Variants in SLC14A2 observed in about 807,000 individuals in gnomAD.
The protein encoded by SLC14A2 is solute carrier family 14 member 2.
A neutral mutation model predicts 104.6 loss-of-function variants in SLC14A2; 91 were observed. The ratio of observed to expected loss-of-function variants is 0.87; its 90% confidence interval spans 0.73 to 1.04. The LOEUF (loss-of-function observed/expected upper bound fraction) is 1.04, where lower values mean the gene tolerates loss of function less well. SLC14A2 is among the 50% of genes least tolerant of loss of function. The probability of loss-of-function intolerance (pLI) is 0.00; values close to 1 mark genes in which losing one functional copy is unlikely to be tolerated. For synonymous variants in SLC14A2, 476 were observed against 466.4 expected (o/e 1.02, Z -0.27); for missense variants, 1,189 against 1,156.0 (o/e 1.03, Z -0.41).
chr18:45,203,010 C>T, the SLC14A2 span, among the ~76,000 whole-genome samples: 5 of 152,240 alleles, frequency 3.3e-5, no homozygotes, highest in African/African-American at 9.6e-5. Context: ...TGGCTGGGGC[C>T]GCTGAGTTGG....
chr18:45,543,591 G>C (rs2144863803), intron 2 of SLC14A2, among the ~76,000 whole-genome samples: 1 of 152,250 alleles, frequency 6.6e-6, no homozygotes, highest in South Asian at 2.1e-4. Context: ...TCTGATATTT[G>C]AAAAGAGCTT....
chr18:45,192,605 G>A, the SLC14A2 span, among the ~76,000 whole-genome samples: 2 of 125,914 alleles, frequency 1.6e-5, no homozygotes, highest in East Asian at 2.9e-4. Context: ...TAACAGGCAG[G>A]TAGTGGTTTT....
At chr18:45,403,455 A>T (rs984898692) in intron 1 of SLC14A2, among the ~76,000 whole-genome samples, 2 of 152,154 alleles carry the variant, frequency 1.3e-5, no homozygotes, top group Non-Finnish European at 2.9e-5. Context: ...TAGAGACAAC[A>T]ATGGTGCTCC....
chr18:45,537,446 C>A (rs2043811142), intron 2 of SLC14A2, among the ~76,000 whole-genome samples: 1 of 151,958 alleles, frequency 6.6e-6, no homozygotes, highest in Non-Finnish European at 1.5e-5. Context: ...GGAGGAGAGT[C>A]CTGGACAGGG....
chr18:45,669,830 TA>T (rs535066735), intron 16 of SLC14A2, among the ~76,000 whole-genome samples: 2 of 152,252 alleles, frequency 1.3e-5, no homozygotes, highest in African/African-American at 4.8e-5. Flanking sequence ...TGTGGATGTT[TA>T]AAAAGTCTTT....
intron 5 of SLC14A2, among the ~76,000 whole-genome samples, chr18:45,636,664 T>A (rs1054889163): frequency 1.3e-5 from 2 of 152,196 alleles, no homozygotes; most frequent in Non-Finnish European, 2.9e-5. Flanking sequence ...TTTTCTTGGT[T>A]TAAAAAACAA....
intron 1 of SLC14A2, among the ~76,000 whole-genome samples, chr18:45,373,300 G>GCT (rs2085741783): frequency 1.3e-5 from 2 of 152,040 alleles, no homozygotes; most frequent in African/African-American, 2.4e-5. Flanking sequence ...TCGGCTCCAG[G>GCT]CTCTCTCTCT....
At chr18:45,585,527 G>C (rs184024524) in intron 2 of SLC14A2, among the ~76,000 whole-genome samples, 1 of 152,236 alleles carries the variant, frequency 6.6e-6, no homozygotes, top group East Asian at 1.9e-4. Context: ...TTCCTATTAA[G>C]AAAAATTAGC....
intron 2 of SLC14A2, among the ~76,000 whole-genome samples, chr18:45,548,711 T>G (rs2044010117): frequency 6.6e-6 from 1 of 152,036 alleles, no homozygotes; most frequent in African/African-American, 2.4e-5. Context: ...AAACAAAAAA[T>G]AAGAATCACA....
intron 2 of SLC14A2, among the ~76,000 whole-genome samples, chr18:45,573,225 A>G (rs1038839513): frequency 2.6e-5 from 4 of 152,202 alleles, no homozygotes; most frequent in African/African-American, 7.2e-5. Context: ...CTGGGTCCTG[A>G]TAACTGCATT....
chr18:45,669,128 G>C (rs1404925098), intron 15 of SLC14A2, among the ~76,000 whole-genome samples, 178 bp from the exon 16 acceptor site: 3 of 152,236 alleles, frequency 2.0e-5, no homozygotes, highest in Non-Finnish European at 4.4e-5. Flanking sequence ...GCCCCACCCT[G>C]TCACTGTGCA....
chr18:45,184,034 A>AT, the SLC14A2 span, among the ~76,000 whole-genome samples: 1 of 144,032 alleles, frequency 6.9e-6, no homozygotes, highest in South Asian at 2.2e-4. Context: ...GATTACAGGC[A>AT]TGAGCCACCA....
chr18:45,209,314 G>T (rs2083942504), upstream of SLC14A2, among the ~76,000 whole-genome samples: 1 of 151,936 alleles, frequency 6.6e-6, no homozygotes. Context: ...CTCCTCTCCA[G>T]CCTGGGCAAC....
chr18:45,470,829 T>G (rs2087234835), intron 1 of SLC14A2, among the ~76,000 whole-genome samples: 2 of 152,156 alleles, frequency 1.3e-5, no homozygotes, highest in African/African-American at 4.8e-5. Flanking sequence ...AATAAACATT[T>G]CCTTCTATTT....
chr18:45,682,539 A>G lies in SLC14A2; in HGVS notation c.*20A>G, dbSNP rs778173956. 4.4e-6 allele frequency: 7 copies of G among 1,596,274 alleles called. No homozygotes were observed. In the East Asian group the frequency reaches 1.6e-4, roughly 36 times the overall value. On this transcript the variant is annotated 3_prime_UTR_variant, in exon 20 of 20. Coordinates refer to ENST00000255226, the MANE Select transcript of SLC14A2 (RefSeq NM_007163.4). ...TCCTAAGTTTCCCTGTCTAAAACAC[A>G]TCAGTGTAAATTCAGGCTTCAGCAC...
At position 45,632,386 on chromosome 18, in the gene SLC14A2, G is replaced by A; in HGVS notation, c.558G>A (p.Gly186=). The A allele has an allele frequency of 6.2e-7, 1 of 1,614,024 alleles. No individual in the cohort carries two copies. Among genetic ancestry groups the A allele is most frequent in the South Asian group, 1.1e-5 (1 of 91,074 alleles). ...AIASGLHGYN[G]MLVGLLMAVF... ...CCTCAGGACTCCATGGGTACAACGG[G>A]ATGCTGGTGGGACTGCTGATGGCCG... Residue 186 remains glycine (G), a synonymous_variant, in exon 5 of 20, where the codon GGG becomes GGA. Transcript: ENST00000255226.
intron 10 of SLC14A2, among the ~76,000 whole-genome samples, chr18:45,650,823 T>G (rs1019001860): frequency 2.6e-5 from 4 of 152,116 alleles, no homozygotes; most frequent in African/African-American, 9.7e-5. Context: ...CACTGAAACC[T>G]CCACCTCCCA....
intron 10 of SLC14A2, among the ~76,000 whole-genome samples, chr18:45,648,421 G>A (rs1047355118): frequency 4.6e-5 from 7 of 151,886 alleles, no homozygotes; most frequent in African/African-American, 7.3e-5. Flanking sequence ...TAGCCAGGAT[G>A]GTCTCGATCT....
chr18:45,292,857 T>C (rs2084883035), intron 1 of SLC14A2, among the ~76,000 whole-genome samples: 1 of 152,174 alleles, frequency 6.6e-6, no homozygotes, highest in Non-Finnish European at 1.5e-5. Context: ...TTTTAATCAA[T>C]ATTCAGGTAA....
Sources: allele counts gnomAD v4.1 joint callset (sites outside exome capture counted in the v4.1 genomes callset), GRCh38; gene constraint gnomAD v4.1.1; transcripts MANE v1.5; gene names NCBI Gene and HGNC (gene_info 2026-07-23, HGNC 2026-07-21).